ADAM12: variants seen among roughly 807,000 people sequenced by gnomAD.
ADAM12 encodes the protein disintegrin and metalloproteinase domain-containing protein 12.
Under a neutral mutation model 106.4 loss-of-function variants are expected in ADAM12, and 70 were observed. The observed-to-expected ratio is 0.66, with a 90% CI of 0.54 to 0.80. The LOEUF (loss-of-function observed/expected upper bound fraction) is 0.80. ADAM12 is among the 30% of genes least tolerant of loss of function. ADAM12 has a pLI of 0.00. For missense variants in ADAM12, 1,010 were observed against 1,171.9 expected (o/e 0.86, Z 2.02); for synonymous variants, 420 against 433.5 (o/e 0.97, Z 0.39).
chr10:126,286,010 G>A (rs191270826), intron 2 of ADAM12, among the ~76,000 whole-genome samples: 92 of 146,482 alleles, frequency 6.3e-4, no homozygotes, highest in Non-Finnish European at 1.1e-3. Flanking sequence ...TATCCATGTC[G>A]TGCTACCCTT....
intron 3 of ADAM12, among the ~76,000 whole-genome samples, chr10:126,273,807 C>T (rs922233988): frequency 6.6e-6 from 1 of 152,146 alleles, no homozygotes; most frequent in Non-Finnish European, 1.5e-5. Context: ...TCATTCAAAC[C>T]TGATCATCAA....
At chr10:126,233,059 A>G (rs558251034) in intron 3 of ADAM12, among the ~76,000 whole-genome samples, 2 of 152,234 alleles carry the variant, frequency 1.3e-5, no homozygotes, top group South Asian at 4.1e-4. Flanking sequence ...ACCACAGTCA[A>G]TTCAAGGGGC....
intron 3 of ADAM12, among the ~76,000 whole-genome samples, chr10:126,271,464 G>A (rs1456935742): frequency 6.6e-6 from 1 of 152,240 alleles, no homozygotes; most frequent in Non-Finnish European, 1.5e-5. Flanking sequence ...AGTCTTCACA[G>A]GCAGCCAGAT....
intron 1 of ADAM12, among the ~76,000 whole-genome samples, chr10:126,377,924 T>C (rs1467270248): frequency 1.3e-5 from 2 of 152,180 alleles, no homozygotes; most frequent in African/African-American, 4.8e-5. Flanking sequence ...ATTTTAAATT[T>C]AGAAGAAATT....
At chr10:126,238,847 A>G (rs1347896772) in intron 3 of ADAM12, among the ~76,000 whole-genome samples, 1 of 152,222 alleles carries the variant, frequency 6.6e-6, no homozygotes, top group African/African-American at 2.4e-5. Context: ...TCTGAGGGTA[A>G]ACCTGAGATT....
intron 3 of ADAM12, among the ~76,000 whole-genome samples, chr10:126,223,868 T>G (rs917224845): frequency 2.0e-5 from 3 of 152,222 alleles, no homozygotes; most frequent in African/African-American, 7.2e-5. Flanking sequence ...GTGAGGCCAA[T>G]GCTGGTACTA....
At chr10:126,019,853 T>A in intron 21 of ADAM12, 28 bp from the exon 22 acceptor site, 3 of 1,596,532 alleles carry the variant, frequency 1.9e-6, no homozygotes, top group Non-Finnish European at 2.6e-6. Context: ...TTAGGCAGGG[T>A]CACTTACCAG....
At chr10:126,063,398 G>A (rs976678932) in intron 14 of ADAM12, among the ~76,000 whole-genome samples, 4 of 152,190 alleles carry the variant, frequency 2.6e-5, no homozygotes, top group African/African-American at 4.8e-5. Flanking sequence ...ATGCCTGGGC[G>A]TGGCTTTTAC....
chr10:126,261,142 T>C (rs1253785063), intron 3 of ADAM12, among the ~76,000 whole-genome samples: 1 of 152,182 alleles, frequency 6.6e-6, no homozygotes, highest in East Asian at 1.9e-4. Flanking sequence ...CCATTTTATA[T>C]TAGGGACATG....
intron 3 of ADAM12, among the ~76,000 whole-genome samples, chr10:126,266,887 C>T (rs928306835): frequency 3.3e-5 from 5 of 152,154 alleles, no homozygotes; most frequent in Admixed American, 1.3e-4. Context: ...CGCTAAACCA[C>T]GCAGAAGAAA....
intron 2 of ADAM12, among the ~76,000 whole-genome samples, chr10:126,295,992 C>T (rs1275062444): frequency 6.6e-6 from 1 of 152,050 alleles, no homozygotes; most frequent in Non-Finnish European, 1.5e-5. Flanking sequence ...GGCATCTACC[C>T]TACGCTACAA....
chr10:126,261,803 ATT>A (rs11316581), intron 3 of ADAM12, among the ~76,000 whole-genome samples: 66,803 of 134,398 alleles, frequency 0.5, 16,069 homozygotes, highest in Non-Finnish European at 0.57. Context: ...GATGGATAGT[ATT>A]TTTTTTTTTT....
At chr10:126,330,299 AG>A (rs1293356812) in intron 2 of ADAM12, 112 bp downstream of exon 2, 6 of 878,082 alleles carry the variant, frequency 6.8e-6, no homozygotes, top group Non-Finnish European at 8.7e-6. Flanking sequence ...CTCTAAGGAT[AG>A]AGTTAGCATT....
chr10:126,193,810 T>A lies in ADAM12; in HGVS notation c.261-38505A>T, dbSNP rs2927506. Among the ~76,000 whole-genome samples the A allele has an allele frequency of 2.0e-5, 3 of 151,984 alleles. No homozygotes were observed. In the South Asian group the frequency reaches 6.2e-4, roughly 32 times the overall value. ...TACTCGGTAGGCTGAGGCAGGAGAA[T>A]CTCTTGAATTCGGGAGGCAGAAGTT... On this transcript the variant is annotated intron_variant, in intron 3 of 22. Transcript: ENST00000448723.
intron 3 of ADAM12, among the ~76,000 whole-genome samples, chr10:126,263,950 T>A (rs1959050164): frequency 1.3e-5 from 2 of 152,350 alleles, no homozygotes; most frequent in African/African-American, 2.4e-5. Flanking sequence ...CCCTATTTGG[T>A]AAGATAATGA....
intron 1 of ADAM12, among the ~76,000 whole-genome samples, chr10:126,358,131 A>G (rs1855607487): frequency 6.6e-6 from 1 of 150,876 alleles, no homozygotes; most frequent in Admixed American, 6.6e-5. Flanking sequence ...GTGAGCCGAG[A>G]TCGCGCCACT....
rs1047524932 is a variant in ADAM12 at position 126,348,465 on chromosome 10, T to C, written c.89-17956A>G. Among the ~76,000 whole-genome samples the C allele has an allele frequency of 2.6e-5, 4 of 152,296 alleles. No homozygotes were observed. In the South Asian group the frequency reaches 8.3e-4, roughly 32 times the overall value. On this transcript the variant is annotated intron_variant, in intron 1 of 22. Transcript: ENST00000448723. ...GGCCCAAGCATGCCTTTCCGAGTTA[T>C]GCCCTCACCTCCGTGCTCTGCCTAT... is the stretch of plus-strand genomic sequence containing the variant.
At chr10:126,261,681 G>A (rs1959003779) in intron 3 of ADAM12, among the ~76,000 whole-genome samples, 1 of 152,138 alleles carries the variant, frequency 6.6e-6, no homozygotes, top group Non-Finnish European at 1.5e-5. Flanking sequence ...AACATGAATA[G>A]ATGAACAGAA....
At position 126,065,005 on chromosome 10, in the gene ADAM12, G is replaced by A; in HGVS notation, c.1414-4C>T. ...ACGCTGTTCCTGCAGGCTTCAGCTG[G>A]AAGGAGAGGGCCATTTATGACACAT... On this transcript the variant is annotated splice_region_variant and splice_polypyrimidine_tract_variant and intron_variant, in intron 13 of 22. Transcript: ENST00000448723. The A allele has an allele frequency of 6.2e-7, 1 of 1,606,730 alleles. No individual in the cohort carries two copies. Among genetic ancestry groups the A allele is most frequent in the Non-Finnish European group, 8.5e-7 (1 of 1,176,506 alleles).
Sources: gnomAD v4.1 joint callset for allele counts (sites outside exome capture counted in the v4.1 genomes callset) on GRCh38, gnomAD v4.1.1 for gene constraint, MANE v1.5 for transcripts, NCBI Gene and HGNC (gene_info 2026-07-23, HGNC 2026-07-21) for gene names.